The following CLYBL variants were observed in gnomAD, a reference collection of about 807,000 sequenced individuals.
CLYBL encodes citramalyl-CoA lyase, mitochondrial.
In CLYBL, 31 loss-of-function variants were observed where a neutral mutation model predicts 38.9. The ratio of observed to expected loss-of-function variants is 0.80; its 90% CI spans 0.60 to 1.08. The LOEUF (loss-of-function observed/expected upper bound fraction) is 1.08. Among genes scored for constraint, CLYBL ranks in the 50% least tolerant of loss-of-function variants. CLYBL has a pLI of 0.00. For synonymous variants in CLYBL, 171 were observed against 158.6 expected, an observed-to-expected ratio of 1.08 and a Z score of -0.59; for missense variants, 434 against 411.6, an observed-to-expected ratio of 1.05 and a Z score of -0.47.
intron 2 of CLYBL, among the ~76,000 whole-genome samples, chr13:99,785,789 G>A (rs1211454430): frequency 6.6e-6 from 1 of 151,880 alleles, no homozygotes; most frequent in Non-Finnish European, 1.5e-5. Flanking sequence ...GTAGAGACAG[G>A]GTTTCACCAT....
At chr13:99,846,971 A>C (rs888142863) in intron 2 of CLYBL, among the ~76,000 whole-genome samples, 4 of 152,076 alleles carry the variant, frequency 2.6e-5, no homozygotes, top group African/African-American at 9.7e-5. Context: ...AAATGAAAAA[A>C]AGTTTGCTTT....
At chr13:99,634,663 AT>A (rs35750065) in intron 1 of CLYBL, among the ~76,000 whole-genome samples, 38,730 of 152,064 alleles carry the variant, frequency 0.25, 6,078 homozygotes, top group East Asian at 0.57. Flanking sequence ...TGTATTACTT[AT>A]TTTTTTAAAT....
intron 2 of CLYBL, among the ~76,000 whole-genome samples, chr13:99,808,159 C>T (rs1234742806): frequency 6.6e-6 from 1 of 152,184 alleles, no homozygotes; most frequent in African/African-American, 2.4e-5. Context: ...AATCACAGCT[C>T]ACTGCAGCGT....
At chr13:99,892,960 T>G (rs892335212), downstream of CLYBL, 3 of 152,286 alleles carry the variant, frequency 2.0e-5, no homozygotes, top group African/African-American at 7.2e-5. Flanking sequence ...GGGACAGACA[T>G]GCGGGGAGCC....
chr13:99,623,943 A>G (rs1448617768), intron 1 of CLYBL, among the ~76,000 whole-genome samples: 6 of 141,410 alleles, frequency 4.2e-5, no homozygotes, highest in African/African-American at 1.6e-4. Context: ...TGGGCAACAG[A>G]GTGAGACTCC....
At chr13:99,703,655 A>G (rs984752693) in intron 1 of CLYBL, among the ~76,000 whole-genome samples, 2 of 152,200 alleles carry the variant, frequency 1.3e-5, no homozygotes, top group African/African-American at 2.4e-5. Flanking sequence ...CATATGAGCC[A>G]CTGTGCCTGG....
At chr13:99,874,518 A>C (rs920066512) in intron 7 of CLYBL, among the ~76,000 whole-genome samples, 3 of 152,018 alleles carry the variant, frequency 2.0e-5, no homozygotes, top group Non-Finnish European at 4.4e-5. Context: ...ATGCTTATTA[A>C]AGTAATAGGA....
chr13:99,662,794 T>C (rs189628876), intron 1 of CLYBL, among the ~76,000 whole-genome samples: 14 of 152,350 alleles, frequency 9.2e-5, no homozygotes, highest in African/African-American at 3.4e-4. Context: ...TTGTTAAGAA[T>C]TAAGTATTTT....
intron 1 of CLYBL, among the ~76,000 whole-genome samples, chr13:99,744,556 C>T (rs1419660240): frequency 6.6e-6 from 1 of 152,124 alleles, no homozygotes; most frequent in Non-Finnish European, 1.5e-5. Flanking sequence ...CCACCCCAGA[C>T]CTAAAATCGC....
rs182290168 is a variant in CLYBL, at chr13:99,855,074, G to A, written c.250-3787G>A. ...CTGGATCAAACATGATCCAGAACAC[G>A]CTATGGTAATTAGTCTCTTCGAAGT... is the stretch of plus-strand genomic sequence containing the variant. On this transcript the variant is annotated intron_variant, in intron 2 of 8. Transcript: ENST00000339105. Among the ~76,000 whole-genome samples, 24 of 152,244 alleles carry A rather than the reference G, an allele frequency of 1.6e-4. No individual in the cohort carries two copies. In the East Asian group the frequency reaches 3.1e-3, roughly 20 times the overall value.
At chr13:99,688,258 A>T (rs1346520627) in intron 1 of CLYBL, among the ~76,000 whole-genome samples, 1 of 151,722 alleles carries the variant, frequency 6.6e-6, no homozygotes, top group African/African-American at 2.4e-5. Flanking sequence ...TGTGTAACAG[A>T]CTCGCTGTGT....
At chr13:99,697,048 T>C (rs1215989740) in intron 1 of CLYBL, among the ~76,000 whole-genome samples, 1 of 152,222 alleles carries the variant, frequency 6.6e-6, no homozygotes, top group Non-Finnish European at 1.5e-5. Flanking sequence ...AATGCCCTTA[T>C]GCATTTGGCC....
At chr13:99,867,305 A>C (rs2051772193) in intron 6 of CLYBL, among the ~76,000 whole-genome samples, 1 of 152,260 alleles carries the variant, frequency 6.6e-6, no homozygotes, top group African/African-American at 2.4e-5. Context: ...TGTTTTTGAA[A>C]TATATCTAGG....
intron 2 of CLYBL, among the ~76,000 whole-genome samples, chr13:99,840,399 G>A (rs1163111638): frequency 6.6e-6 from 1 of 151,924 alleles, no homozygotes; most frequent in Non-Finnish European, 1.5e-5. Context: ...ATCACTGGGG[G>A]CCAAGAGTTC....
chr13:99,677,951 G>A (rs1335267401), intron 1 of CLYBL, among the ~76,000 whole-genome samples: 1 of 152,202 alleles, frequency 6.6e-6, no homozygotes, highest in East Asian at 1.9e-4. Context: ...GATATTGAAT[G>A]TATTTTGTGG....
intron 9 of CLYBL, among the ~76,000 whole-genome samples, chr13:99,906,250 G>T (rs1329211514): frequency 6.6e-6 from 1 of 152,062 alleles, no homozygotes; most frequent in East Asian, 1.9e-4. Context: ...GTCACTACAG[G>T]GGATTTTGGA....
At chr13:99,691,890 G>C (rs981110110) in intron 1 of CLYBL, among the ~76,000 whole-genome samples, 4 of 152,210 alleles carry the variant, frequency 2.6e-5, no homozygotes, top group African/African-American at 9.6e-5. Context: ...AGCCCAGGGT[G>C]GTGGGAACAC....
chr13:99,624,580 G>A (rs928375076), intron 1 of CLYBL, among the ~76,000 whole-genome samples: 7 of 152,168 alleles, frequency 4.6e-5, no homozygotes, highest in African/African-American at 1.2e-4. Flanking sequence ...TATAAACGGC[G>A]CATCTTCCGT....
intron 1 of CLYBL, among the ~76,000 whole-genome samples, chr13:99,666,870 G>T (rs1021412869): frequency 2.0e-5 from 3 of 152,088 alleles, no homozygotes; most frequent in South Asian, 2.1e-4. Flanking sequence ...GATGTTCCTG[G>T]TGGTATTTGG....
Sources: allele counts gnomAD v4.1 joint callset (sites outside exome capture counted in the v4.1 genomes callset), GRCh38; gene constraint gnomAD v4.1.1; transcripts MANE v1.5; gene names NCBI Gene and HGNC (gene_info 2026-07-23, HGNC 2026-07-21).